The following MAN1C1 variants were observed in gnomAD, a reference collection of about 807,000 sequenced individuals.
MAN1C1 encodes the protein mannosyl-oligosaccharide 1,2-alpha-mannosidase IC.
Under a neutral mutation model 71.5 loss-of-function variants are expected in MAN1C1, and 49 were observed. The ratio of observed to expected loss-of-function variants is 0.69; its 90% CI spans 0.54 to 0.87. MAN1C1 has a LOEUF of 0.87. MAN1C1 is among the 40% of genes least tolerant of loss of function. The pLI is 0.00. For synonymous variants in MAN1C1, 352 were observed against 343.7 expected (o/e 1.02, Z -0.27); for missense variants, 743 against 835.0 (o/e 0.89, Z 1.36).
chr1:25,687,258 C>T (rs2046245664), intron 2 of MAN1C1, among the ~76,000 whole-genome samples: 1 of 152,204 alleles, frequency 6.6e-6, no homozygotes, highest in Non-Finnish European at 1.5e-5. Flanking sequence ...TCTGCAGCCG[C>T]ACTTGCTGGT....
intron 1 of MAN1C1, among the ~76,000 whole-genome samples, chr1:25,668,868 A>G (rs1172466794): frequency 1.3e-5 from 2 of 152,054 alleles, no homozygotes; most frequent in Non-Finnish European, 2.9e-5. Flanking sequence ...CAAGCCTTCT[A>G]CTTTTCAGCT....
chr1:25,681,833 G>A (rs2046159078), intron 1 of MAN1C1, among the ~76,000 whole-genome samples: 2 of 152,024 alleles, frequency 1.3e-5, no homozygotes, highest in Admixed American at 6.5e-5. Context: ...GGCCATCCTA[G>A]TGGGACTAAT....
At chr1:25,702,281 G>T (rs187423286) in intron 2 of MAN1C1, among the ~76,000 whole-genome samples, 12 of 152,246 alleles carry the variant, frequency 7.9e-5, no homozygotes, top group Admixed American at 7.8e-4. Flanking sequence ...GGCCCACATC[G>T]CCCCTGGCAG....
chr1:25,742,955 A>C (rs765750243), intron 2 of MAN1C1, among the ~76,000 whole-genome samples: 1 of 152,168 alleles, frequency 6.6e-6, no homozygotes, highest in Non-Finnish European at 1.5e-5. Flanking sequence ...GGACCCCAGA[A>C]CTGATGAACA....
intron 2 of MAN1C1, among the ~76,000 whole-genome samples, chr1:25,714,892 G>T (rs2046659960): frequency 6.6e-6 from 1 of 152,070 alleles, no homozygotes; most frequent in Non-Finnish European, 1.5e-5. Context: ...GACCCTCAAG[G>T]TCAACTATGT....
chr1:25,696,018 T>C (rs1304119026), intron 2 of MAN1C1, among the ~76,000 whole-genome samples: 3 of 152,240 alleles, frequency 2.0e-5, no homozygotes, highest in African/African-American at 7.2e-5. Context: ...GTCTTGTTCC[T>C]GTCAGGAGAG....
chr1:25,679,950 A>AAAAATAT (rs1285307256), intron 1 of MAN1C1, among the ~76,000 whole-genome samples: 2 of 117,262 alleles, frequency 1.7e-5, no homozygotes, highest in African/African-American at 7.6e-5. Context: ...AAAAAAAAAA[A>AAAAATAT]ATATATATAT....
chr1:25,642,318 T>C (rs2045549229), intron 1 of MAN1C1, among the ~76,000 whole-genome samples: 1 of 152,094 alleles, frequency 6.6e-6, no homozygotes, highest in African/African-American at 2.4e-5. Context: ...GCTCAGGAAA[T>C]AGGAGATACT....
chr1:25,709,818 T>C (rs957934952), intron 2 of MAN1C1: 1 of 152,234 alleles, frequency 6.6e-6, no homozygotes, highest in African/African-American at 2.4e-5. Flanking sequence ...TAGTCTCGGC[T>C]CACTGCAACT....
At chr1:25,710,222 A>G (rs1031781280) in intron 2 of MAN1C1, 1 of 152,218 alleles carries the variant, frequency 6.6e-6, no homozygotes, top group African/African-American at 2.4e-5. Flanking sequence ...CACTTCCTAG[A>G]TTTATTGACC....
intron 1 of MAN1C1, among the ~76,000 whole-genome samples, chr1:25,647,321 G>GA (rs1457977240): frequency 2.6e-5 from 4 of 152,160 alleles, no homozygotes; most frequent in African/African-American, 7.2e-5. Flanking sequence ...GGGAGCTTGG[G>GA]AGGGCTGTTC....
rs1353752582 is a variant in MAN1C1 at position 25,617,386 on chromosome 1, T to A, written c.-412T>A. On this transcript the variant is annotated 5_prime_UTR_variant, in exon 1 of 12. Transcript: ENST00000374332. This position sits in a 1 kb window ranked among gnomAD's most constrained non-coding sequence, Gnocchi z 5.1. Reference sequence around the variant, plus strand: ...GCCTAGGGGGCGGAGGGCGGCTTGGTGCGGGCCTGCGGGCGCCCCTCGGCG... The same window carrying A: ...GCCTAGGGGGCGGAGGGCGGCTTGGAGCGGGCCTGCGGGCGCCCCTCGGCG... 6.6e-6 allele frequency: 1 copy of A among 150,990 alleles called. No individual in the cohort carries two copies. The highest frequency in any genetic ancestry group is 2.0e-4 in the East Asian group (1 of 5,112). The allele number at this position is 150,990 out of a possible 1,614,324, so 9.4% of individuals were successfully genotyped here. A position where few individuals can be genotyped will look rare whatever the true frequency, so the allele number is the denominator to read the frequency against.
chr1:25,624,347 A>C (rs190563049), intron 1 of MAN1C1, among the ~76,000 whole-genome samples: 69 of 152,280 alleles, frequency 4.5e-4, no homozygotes, highest in Admixed American at 1.9e-3. Flanking sequence ...ACCCTCAAAG[A>C]GAATAGAAGC....
chr1:25,714,753 T>C (rs978275985), intron 2 of MAN1C1, among the ~76,000 whole-genome samples: 2 of 152,232 alleles, frequency 1.3e-5, no homozygotes, highest in African/African-American at 4.8e-5. Flanking sequence ...TGAAGCTTTG[T>C]TCGAGCTCTC....
chr1:25,775,297 C>T lies in MAN1C1; in HGVS notation c.1258-2808C>T, dbSNP rs1008537651. On this transcript the variant is annotated intron_variant, in intron 8 of 11. Coordinates refer to ENST00000374332, the MANE Select transcript of MAN1C1 (RefSeq NM_020379.4). This position sits in a 1 kb window ranked among gnomAD's most constrained non-coding sequence, Gnocchi z 5.1. ...GAGCAGACCCCTGCCTGCAGCCCGG[C>T]TGCTCTGCAGGTGTCCTCAGCACTC... Among the ~76,000 whole-genome samples, 1 of 152,240 alleles carries T rather than the reference C, an allele frequency of 6.6e-6. No homozygotes were observed. Among genetic ancestry groups the T allele is most frequent in the African/African-American group, 2.4e-5 (1 of 41,462 alleles).
chr1:25,628,412 A>G (rs751192394), intron 1 of MAN1C1, among the ~76,000 whole-genome samples: 1 of 152,158 alleles, frequency 6.6e-6, no homozygotes, highest in African/African-American at 2.4e-5. Context: ...GGTTCAAGCA[A>G]TTCTCCTGCC....
At chr1:25,653,768 A>G (rs2045725102) in intron 1 of MAN1C1, among the ~76,000 whole-genome samples, 1 of 152,152 alleles carries the variant, frequency 6.6e-6, no homozygotes, top group African/African-American at 2.4e-5. Context: ...GGGATCAGGC[A>G]TGTTTGGGAG....
At chr1:25,662,547 A>G (rs1557754453) in intron 1 of MAN1C1, among the ~76,000 whole-genome samples, 2 of 143,620 alleles carry the variant, frequency 1.4e-5, no homozygotes, top group Non-Finnish European at 3.0e-5. Flanking sequence ...CCCCAGAATA[A>G]TGCTCATGGC....
At chr1:25,665,854 G>GCT (rs1372674058) in intron 1 of MAN1C1, among the ~76,000 whole-genome samples, 23 of 101,726 alleles carry the variant, frequency 2.3e-4, no homozygotes, top group African/African-American at 1.1e-3. Flanking sequence ...CTTGGCATTG[G>GCT]CTTTTTTTTT....
Sources: allele counts gnomAD v4.1 joint callset (sites outside exome capture counted in the v4.1 genomes callset), GRCh38; gene constraint gnomAD v4.1.1; non-coding constraint Gnocchi (gnomAD v3.1); transcripts MANE v1.5; gene names NCBI Gene and HGNC (gene_info 2026-07-23, HGNC 2026-07-21).